The following MGAM variants were observed in gnomAD, a reference collection of about 807,000 sequenced individuals.
The protein encoded by MGAM is maltase-glucoamylase, also known as alpha-1,4-glucosidase.
MGAM carries 253 observed loss-of-function variants against 358.8 expected under a neutral mutation model. The observed-to-expected ratio is 0.71, with a 90% CI of 0.64 to 0.78. The LOEUF (loss-of-function observed/expected upper bound fraction) is 0.78. MGAM is among the 30% of genes least tolerant of loss of function. The probability of loss-of-function intolerance (pLI) is 0.00; values close to 1 mark genes in which losing one functional copy is unlikely to be tolerated. For synonymous variants in MGAM, 1,105 were observed against 1,227.1 expected, an observed-to-expected ratio of 0.90 and a Z score of 2.08; for missense variants, 3,080 against 3,432.6, an observed-to-expected ratio of 0.90 and a Z score of 2.57.
In MGAM at chr7:142,022,426, C is replaced by T. The variant is rs782056080; in HGVS notation, c.869C>T (p.Thr290Ile). Reference sequence around the variant, plus strand: ...ACCTGGCCCATATTTAACAGAGACACAACTCCCAATGGAGTAAGCTTTCAA... The same window carrying T: ...ACCTGGCCCATATTTAACAGAGACATAACTCCCAATGGAGTAAGCTTTCAA... ...WKTWPIFNRDTTPNGNGTNLY... is the reference protein window; with the variant it reads ...WKTWPIFNRDITPNGNGTNLY... The change falls in exon 7 of 71, where the codon ACA becomes ATA. Residue 290 changes from threonine to isoleucine, a missense_variant. This residue lies in a region of MGAM where 1,816 missense variants were observed against 1,840.5 expected (regional missense o/e 0.99). Coordinates refer to ENST00000475668, the MANE Select transcript of MGAM (RefSeq NM_001365693.1). 1 of 1,613,010 alleles carries T rather than the reference C, an allele frequency of 6.2e-7. No homozygotes were observed. The highest frequency in any genetic ancestry group is 1.3e-5 in the African/African-American group (1 of 74,886).
rs1462779089 is a variant in MGAM, at chr7:142,063,516, A to G, written c.4275A>G (p.Ser1425=). Reference sequence around the variant, plus strand: ...ATTTCTAGGATATGAATGAACCATCAAGCTTCGTGAATGGGGCAGTTTCTC... The same window carrying G: ...ATTTCTAGGATATGAATGAACCATCGAGCTTCGTGAATGGGGCAGTTTCTC... ...DGMWIDMNEP[S]SFVNGAVSPG... is the part of the protein sequence containing the mutation. The change falls in exon 36 of 71, where the codon TCA becomes TCG. Residue 1425 remains serine, a synonymous_variant. Transcript: ENST00000475668. 1.2e-6 allele frequency: 2 copies of G among 1,613,710 alleles called. No individual in the cohort carries two copies. Among genetic ancestry groups the G allele is most frequent in the East Asian group, 2.2e-5 (1 of 44,846 alleles).
chr7:142,093,486 T>G lies in MGAM; in HGVS notation c.7108T>G (p.Ser2370Ala). ...MESQQILPDG[S>A]PVQHYNVHNL... Reference sequence around the variant, plus strand: ...GAGTCAGCAGATCCTCCCAGACGGCTCCCCGGTGCAGCACTACAATGTGCA... The same window carrying G: ...GAGTCAGCAGATCCTCCCAGACGGCGCCCCGGTGCAGCACTACAATGTGCA... The change falls in exon 60 of 71, where the codon TCC becomes GCC. Residue 2370 changes from serine to alanine, a missense_variant. Coordinates refer to ENST00000475668, the MANE Select transcript of MGAM (RefSeq NM_001365693.1). The G allele has an allele frequency of 6.6e-7, 1 of 1,521,134 alleles. No homozygotes were observed. The highest frequency in any genetic ancestry group is 1.2e-5 in the South Asian group (1 of 84,198). The allele number at this position is 1,521,134 out of a possible 1,614,324, so 94.2% of individuals were successfully genotyped here.
At chr7:142,059,691 T>C (rs1344729439) in intron 32 of MGAM, 91 bp downstream of exon 32, 37 of 1,586,308 alleles carry the variant, frequency 2.3e-5, no homozygotes, top group Non-Finnish European at 2.8e-5. Flanking sequence ...ATGTTGCAAG[T>C]AGATAAATTG....
intron 2 of MGAM, among the ~76,000 whole-genome samples, chr7:142,006,631 C>T (rs1442483975): frequency 6.6e-6 from 1 of 152,084 alleles, no homozygotes; most frequent in Non-Finnish European, 1.5e-5. Flanking sequence ...TCACCTGCTA[C>T]AACTCTTGGA....
At chr7:142,076,458 A>G (rs552108988) in intron 46 of MGAM, 2 of 853,494 alleles carry the variant, frequency 2.3e-6, no homozygotes, top group East Asian at 2.5e-5. Flanking sequence ...GTTTTTAATT[A>G]TCTGTGTGTT....
At chr7:142,070,190 C>T (rs1163976668) in intron 43 of MGAM, among the ~76,000 whole-genome samples, 2 of 110,172 alleles carry the variant, frequency 1.8e-5, no homozygotes, top group Non-Finnish European at 4.4e-5. Flanking sequence ...CAGACTTTGT[C>T]TCAAGAAAAA....
At chr7:142,028,971 T>C (rs997313350) in intron 10 of MGAM, among the ~76,000 whole-genome samples, 19 of 152,162 alleles carry the variant, frequency 1.2e-4, no homozygotes, top group Non-Finnish European at 2.1e-4. Flanking sequence ...GCCACCATAA[T>C]AATGAGTGCT....
chr7:142,022,773 GA>G (rs58372017), intron 7 of MGAM, among the ~76,000 whole-genome samples: 4,661 of 152,228 alleles, frequency 0.031, 244 homozygotes, highest in African/African-American at 0.1. Context: ...CAGATATGGA[GA>G]AGATATTATT....
At position 142,052,528 on chromosome 7, in the gene MGAM, A is replaced by C. The variant is rs185798156; in HGVS notation, c.2958+82A>C. 1.0e-5 allele frequency: 16 copies of C among 1,535,208 alleles called. No individual in the cohort carries two copies. In the East Asian group the frequency reaches 3.4e-4, roughly 33 times the overall value. ...TCTTAAGCATAGCAGTGGTACTTAC[A>C]TAACTACTTAAAATCCATAGAAAGA... On this transcript the variant is annotated intron_variant, in intron 25 of 70. Transcript: ENST00000475668.
intron 47 of MGAM, among the ~76,000 whole-genome samples, chr7:142,077,520 T>G (rs1322349008): frequency 6.9e-6 from 1 of 145,620 alleles, no homozygotes; most frequent in Non-Finnish European, 1.6e-5. Context: ...ATATGGAAAA[T>G]ATTAAATATT....
chr7:142,048,973 C>A (rs1810677317), intron 22 of MGAM, among the ~76,000 whole-genome samples: 1 of 152,106 alleles, frequency 6.6e-6, no homozygotes, highest in African/African-American at 2.4e-5. Context: ...ACCTATTCAT[C>A]TAATAACTAA....
chr7:142,013,494 T>A (rs1429155089), intron 3 of MGAM, among the ~76,000 whole-genome samples: 5 of 152,158 alleles, frequency 3.3e-5, no homozygotes, highest in Non-Finnish European at 7.4e-5. Flanking sequence ...TGTTTCCTAA[T>A]GCCCTAATGG....
intron 45 of MGAM, among the ~76,000 whole-genome samples, chr7:142,074,444 A>T: frequency 6.8e-6 from 1 of 146,334 alleles, no homozygotes; most frequent in Non-Finnish European, 1.5e-5. Flanking sequence ...TGCTTAGATG[A>T]GAAGGTTTCA....
At chr7:142,053,912 C>T (rs1811252535) in intron 26 of MGAM, among the ~76,000 whole-genome samples, 1 of 152,170 alleles carries the variant, frequency 6.6e-6, no homozygotes, top group South Asian at 2.1e-4. Flanking sequence ...CCCTGGAGTT[C>T]TAGCCTTAAC....
rs760909577 is a variant in MGAM at position 142,094,505 on chromosome 7, G to T, written c.7306+8G>T. 6.5e-7 allele frequency: 1 copy of T among 1,549,382 alleles called. No homozygotes were observed. Among genetic ancestry groups the T allele is most frequent in the African/African-American group, 1.3e-5 (1 of 74,682 alleles). On this transcript the variant is annotated splice_region_variant and intron_variant, in intron 61 of 70. Transcript: ENST00000475668. ...TGAAGAAGTCTATCATTGGTGCGTG[G>T]GTCCTTCCCAGGGCCTGTGCCGGTA...
In MGAM at chr7:142,074,594, T is replaced by C. The variant is rs146907373; in HGVS notation, c.5275+421T>C. Among the ~76,000 whole-genome samples the C allele has an allele frequency of 4.1e-5, 6 of 146,450 alleles. 2 individuals carry two copies. The East Asian group carries it at 1.0e-3, about 25-fold the overall frequency. Reference sequence around the variant, plus strand: ...TGTGTACTCAGCTAGCCATACGTTTTAGCATATTTGTGGGTCCAGTATACT... The same window carrying C: ...TGTGTACTCAGCTAGCCATACGTTTCAGCATATTTGTGGGTCCAGTATACT... On this transcript the variant is annotated intron_variant, in intron 45 of 70. Coordinates refer to ENST00000475668, the MANE Select transcript of MGAM (RefSeq NM_001365693.1).
intron 35 of MGAM, 142 bp from the exon 36 acceptor site, chr7:142,063,357 C>T (rs7793931): frequency 0.04 from 39,120 of 971,482 alleles, 2,229 homozygotes; most frequent in African/African-American, 0.23. Flanking sequence ...CCAGTTCTCA[C>T]CAGGATTTGA....
intron 20 of MGAM, 46 bp downstream of exon 20, chr7:142,040,217 A>G (rs1418365061): frequency 7.0e-7 from 1 of 1,426,526 alleles, no homozygotes; most frequent in African/African-American, 1.4e-5. Flanking sequence ...CTGTAGCTGC[A>G]GCTGCATAGA....
chr7:142,030,626 T>C lies in MGAM; in HGVS notation c.1354-15T>C. On this transcript the variant is annotated splice_polypyrimidine_tract_variant and intron_variant, in intron 11 of 70. Coordinates refer to ENST00000475668, the MANE Select transcript of MGAM (RefSeq NM_001365693.1). ...TTTCCAGCTAGTTTGTTCATTGTAT[T>C]CTTCCTATTTTTAGGATCCAGCCAT... 6.2e-7 allele frequency: 1 copy of C among 1,605,856 alleles called. No homozygotes were observed. The highest frequency in any genetic ancestry group is 8.5e-7 in the Non-Finnish European group (1 of 1,172,644).
Sources: gnomAD v4.1 joint callset for allele counts (sites outside exome capture counted in the v4.1 genomes callset) on GRCh38, gnomAD v4.1.1 for gene constraint, gnomAD v4.1.1 regional missense constraint, MANE v1.5 for transcripts, NCBI Gene and HGNC (gene_info 2026-07-23, HGNC 2026-07-21) for gene names.